SLC36A2: variants seen among roughly 807,000 people sequenced by gnomAD.
SLC36A2 encodes proton-coupled amino acid transporter 2.
In SLC36A2, 39 loss-of-function variants were observed where a neutral mutation model predicts 42.7. The ratio of observed to expected loss-of-function variants is 0.91; its 90% CI spans 0.71 to 1.19. SLC36A2 has a LOEUF of 1.19. Among genes scored for constraint, SLC36A2 ranks in the 50% most tolerant of loss-of-function variants. SLC36A2 has a pLI of 0.00. For synonymous variants in SLC36A2, 237 were observed against 240.8 expected (o/e 0.98, Z 0.15); for missense variants, 590 against 613.7 (o/e 0.96, Z 0.41).
rs79265984 is a variant in SLC36A2 at position 151,342,902 on chromosome 5, G to A, written c.426C>T (p.His142=). Residue 142 remains histidine, a synonymous_variant, in exon 4 of 10, where the codon CAC becomes CAT. Coordinates refer to ENST00000335244, the MANE Select transcript of SLC36A2 (RefSeq NM_181776.3). ...EANPNAWLQN[H]AHWGRHIVSF... ...GAACAGGTTACCTTCCCCAGTGAGC[G>A]TGATTCTGGAGCCAGGCGTTGGGGT... 310 of 1,614,070 alleles carry A rather than the reference G, an allele frequency of 1.9e-4. No individual in the cohort carries two copies. In the African/African-American group the frequency reaches 3.4e-3, roughly 18 times the overall value.
intron 4 of SLC36A2, among the ~76,000 whole-genome samples, chr5:151,340,218 AGAGGAGGAGGAAGGG>A (rs1561660996): frequency 6.6e-5 from 8 of 120,500 alleles, no homozygotes; most frequent in South Asian, 2.9e-4. Context: ...AGGAGGAGGG[AGAGGAGGAGGAAGGG>A]GAGGAGGAGG....
Position 151,333,292 on chromosome 5 carries a change from C to T in SLC36A2, c.775G>A (p.Val259Ile), listed in dbSNP as rs765574031. The part of the protein sequence containing the change: ...EIPDPSRLPL[V>I]ASWKTYPLFF... ...AGAGGGTAGGTCTTCCAGCTTGCTA[C>T]CAGTGGCAACCGGCTGGGGTCTGGG... Residue 259 changes from valine to isoleucine, a missense_variant, in exon 7 of 10, where the codon GTA (valine) becomes ATA (isoleucine). Coordinates refer to ENST00000335244, the MANE Select transcript of SLC36A2 (RefSeq NM_181776.3). The T allele has an allele frequency of 1.2e-6, 2 of 1,614,014 alleles. No homozygotes were observed. Among genetic ancestry groups the T allele is most frequent in the Non-Finnish European group, 1.7e-6 (2 of 1,179,952 alleles).
At chr5:151,344,983 C>T (rs1454098421) in intron 1 of SLC36A2, among the ~76,000 whole-genome samples, 4 of 152,098 alleles carry the variant, frequency 2.6e-5, no homozygotes, top group African/African-American at 9.7e-5. Flanking sequence ...CTTTTCTCAG[C>T]CCAGGGCATC....
chr5:151,337,893 G>A (rs1221981116), intron 5 of SLC36A2, among the ~76,000 whole-genome samples: 1 of 152,182 alleles, frequency 6.6e-6, no homozygotes, highest in Non-Finnish European at 1.5e-5. Flanking sequence ...TGAATAGTTG[G>A]ATTAAGAATT....
chr5:151,333,340 G>A lies in SLC36A2; in HGVS notation c.745-18C>T. The stretch of plus-strand genomic sequence containing the variant: ...GGGATTTCCTAAAGAAGAAAGAAAT[G>A]CTATGAGACAGTCACTCTTAAAGCA... On this transcript the variant is annotated intron_variant, in intron 6 of 9. Transcript: ENST00000335244. 23 of 1,601,968 alleles carry A rather than the reference G, an allele frequency of 1.4e-5. No individual in the cohort carries two copies. The highest frequency in any genetic ancestry group is 2.0e-5 in the Non-Finnish European group (23 of 1,169,014).
At chr5:151,320,429 C>T (rs1442762948) in intron 9 of SLC36A2, among the ~76,000 whole-genome samples, 1 of 151,616 alleles carries the variant, frequency 6.6e-6, no homozygotes, top group Non-Finnish European at 1.5e-5. Context: ...TTTCCATGGA[C>T]AGATGAATGG....
chr5:151,344,752 C>A (rs777946000), intron 1 of SLC36A2, among the ~76,000 whole-genome samples: 4 of 152,096 alleles, frequency 2.6e-5, no homozygotes, highest in Non-Finnish European at 4.4e-5. Context: ...AAGAAACAAC[C>A]CCATATCATA....
chr5:151,321,336 C>G (rs931723167), intron 9 of SLC36A2, among the ~76,000 whole-genome samples: 1 of 117,432 alleles, frequency 8.5e-6, no homozygotes, highest in Non-Finnish European at 1.7e-5. Context: ...TGGCTATTTT[C>G]TTTTCTTTCT....
At chr5:151,332,828 C>T (rs978782341) in intron 7 of SLC36A2, among the ~76,000 whole-genome samples, 3 of 152,132 alleles carry the variant, frequency 2.0e-5, no homozygotes, top group African/African-American at 7.2e-5. Flanking sequence ...ACAACACTAC[C>T]CTTCCACAAG....
At chr5:151,323,255 A>ATAAG (rs1250283618) in intron 8 of SLC36A2, among the ~76,000 whole-genome samples, 3 of 6,236 alleles carry the variant, frequency 4.8e-4, no homozygotes, top group Non-Finnish European at 2.4e-3. Context: ...AGATAGATAG[A>ATAAG]TAAATAAATA....
chr5:151,316,003 C>T lies in SLC36A2; in HGVS notation c.*814G>A, dbSNP rs957635274. On this transcript the variant is annotated 3_prime_UTR_variant, in exon 10 of 10. Transcript: ENST00000335244. ...TGGCTCCTTTCTATCTGAGAGTTTTCACACTGGTCATCTTGGCCCTACCCA... is the reference window on the plus strand; with the variant it reads ...TGGCTCCTTTCTATCTGAGAGTTTTTACACTGGTCATCTTGGCCCTACCCA... The T allele has an allele frequency of 6.6e-6, 1 of 152,236 alleles. No individual in the cohort carries two copies. The allele number at this position is 152,236 out of a possible 1,614,324, so 9.4% of individuals were successfully genotyped here. A position where few individuals can be genotyped will look rare whatever the true frequency, so the allele number is the denominator to read the frequency against.
chr5:151,334,127 C>G (rs1022159990), intron 6 of SLC36A2, among the ~76,000 whole-genome samples: 3 of 152,138 alleles, frequency 2.0e-5, no homozygotes, highest in African/African-American at 7.2e-5. Flanking sequence ...ATTTTTCTAA[C>G]TGGGCAACCT....
rs1755460317 is a variant in SLC36A2 at position 151,315,246 on chromosome 5, C to T, written c.*1571G>A. 6.6e-6 allele frequency: 1 copy of T among 152,614 alleles called. No homozygotes were observed. Among genetic ancestry groups the T allele is most frequent in the Admixed American group, 6.5e-5 (1 of 15,272 alleles). 9.5% of individuals were successfully genotyped at this position (152,614 alleles called of 1,614,324 possible). On this transcript the variant is annotated 3_prime_UTR_variant, in exon 10 of 10. Coordinates refer to ENST00000335244, the MANE Select transcript of SLC36A2 (RefSeq NM_181776.3). ...CATAGAGCAGCAAGTGATGTAAGTC[C>T]TGATGCATAGGTTATTACCAAACCT... is the stretch of plus-strand genomic sequence containing the variant.
At chr5:151,339,252 T>C in intron 4 of SLC36A2, 108 bp from the exon 5 acceptor site, 1 of 731,836 alleles carries the variant, frequency 1.4e-6, no homozygotes, top group South Asian at 1.4e-5. Flanking sequence ...GGTTGCCCTG[T>C]ACCAGCACAC....
intron 9 of SLC36A2, among the ~76,000 whole-genome samples, chr5:151,321,341 C>CTTTTTT (rs1319471938): frequency 2.1e-5 from 2 of 94,558 alleles, no homozygotes; most frequent in African/African-American, 4.3e-5. Context: ...ATTTTCTTTT[C>CTTTTTT]TTTCTTTTTT....
At chr5:151,344,139 A>G (rs1561663251) in intron 2 of SLC36A2, 38 bp downstream of exon 2, 1 of 1,590,760 alleles carries the variant, frequency 6.3e-7, no homozygotes, top group Admixed American at 1.7e-5. Flanking sequence ...CCCTTCTGCA[A>G]CTGACCATAA....
chr5:151,347,191 C>T (rs767640059), intron 1 of SLC36A2, 106 bp downstream of exon 1: 5 of 1,403,346 alleles, frequency 3.6e-6, no homozygotes, highest in Non-Finnish European at 5.0e-6. Flanking sequence ...CTTGGTTTCT[C>T]ATCTGCACAG....
intron 9 of SLC36A2, among the ~76,000 whole-genome samples, chr5:151,320,414 C>T (rs1755652557): frequency 6.6e-6 from 1 of 151,294 alleles, no homozygotes; most frequent in African/African-American, 2.4e-5. Context: ...AAAGAATTTC[C>T]TAAATTTCCA....
Position 151,347,296 on chromosome 5 carries a change from C to T in SLC36A2, c.164+1G>A, listed in dbSNP as rs371203963. On this transcript the variant is annotated splice_donor_variant, in intron 1 of 9. Coordinates refer to ENST00000335244, the MANE Select transcript of SLC36A2 (RefSeq NM_181776.3). LOFTEE classifies it high-confidence loss of function. ...TAGGGATGGCAGAAAACAGCACTCA[C>T]GTTATGCCCTTGGTCTTCTTCAAGC... is the stretch of plus-strand genomic sequence containing the variant. 3.7e-5 allele frequency: 59 copies of T among 1,614,048 alleles called. 2 individuals are homozygous for T. Among genetic ancestry groups the T allele is most frequent in the South Asian group, 1.4e-4 (13 of 91,088 alleles).
Sources: allele counts gnomAD v4.1 joint callset (sites outside exome capture counted in the v4.1 genomes callset), GRCh38; gene constraint gnomAD v4.1.1; transcripts MANE v1.5; gene names NCBI Gene and HGNC (gene_info 2026-07-23, HGNC 2026-07-21).